PDE6A: variants seen among roughly 807,000 people sequenced by gnomAD.
PDE6A encodes rod cGMP-specific 3',5'-cyclic phosphodiesterase subunit alpha.
PDE6A carries 84 observed loss-of-function variants against 106.3 expected under a neutral mutation model. That is an observed-to-expected ratio of 0.79 (90% CI 0.66 to 0.95). PDE6A has a LOEUF of 0.95. Among genes scored for constraint, PDE6A ranks in the 40% least tolerant of loss-of-function variants. The pLI is 0.00. For missense variants in PDE6A, 1,052 were observed against 1,084.9 expected (o/e 0.97, Z 0.43); for synonymous variants, 394 against 386.6 (o/e 1.02, Z -0.23).
chr5:149,928,208 G>GAGATATATATATATATATAT, intron 4 of PDE6A, among the ~76,000 whole-genome samples: 1 of 57,732 alleles, frequency 1.7e-5, no homozygotes, highest in East Asian at 3.3e-4. Flanking sequence ...AATTGTATGT[G>GAGATATATATATATATATAT]CTATATATAT....
chr5:149,904,491 C>T (rs941556248), intron 7 of PDE6A, among the ~76,000 whole-genome samples: 3 of 152,132 alleles, frequency 2.0e-5, no homozygotes, highest in African/African-American at 7.2e-5. Flanking sequence ...GTGTGAACTG[C>T]ACACAGGCAT....
chr5:149,935,569 T>C (rs1331439535), intron 1 of PDE6A, among the ~76,000 whole-genome samples: 4 of 152,120 alleles, frequency 2.6e-5, no homozygotes, highest in Non-Finnish European at 5.9e-5. Context: ...TCACAAGGGA[T>C]TGGCTTGAAG....
intron 5 of PDE6A, among the ~76,000 whole-genome samples, chr5:149,920,942 A>AAGAAAGAAAG (rs1554091212): frequency 9.2e-6 from 1 of 108,280 alleles, no homozygotes; most frequent in African/African-American, 4.1e-5. Flanking sequence ...GAAAGAGAGA[A>AAGAAAGAAAG]AAAGAAAGAA....
At chr5:149,932,367 G>T in intron 3 of PDE6A, 1 of 1,404,894 alleles carries the variant, frequency 7.1e-7, no homozygotes, top group Non-Finnish European at 1.0e-6. Context: ...AAAATCTAGT[G>T]GTCTTTCACT....
At chr5:149,903,621 T>G in intron 8 of PDE6A, 27 bp downstream of exon 8, 1 of 1,589,796 alleles carries the variant, frequency 6.3e-7, no homozygotes, top group East Asian at 2.2e-5. Context: ...ATCATATGAC[T>G]AAGACTGCAA....
intron 5 of PDE6A, among the ~76,000 whole-genome samples, chr5:149,917,704 G>T (rs940079879): frequency 6.6e-6 from 1 of 152,150 alleles, no homozygotes; most frequent in Non-Finnish European, 1.5e-5. Context: ...ATAAAATGGA[G>T]CTGAGACTAG....
chr5:149,881,881 T>G (rs527414017), intron 17 of PDE6A, among the ~76,000 whole-genome samples: 98 of 150,574 alleles, frequency 6.5e-4, no homozygotes, highest in African/African-American at 2.2e-3. Context: ...TGGCAAAACC[T>G]GTTTCTACCA....
intron 2 of PDE6A, 35 bp downstream of exon 2, chr5:149,934,531 A>G (rs751702324): frequency 6.2e-7 from 1 of 1,609,940 alleles, no homozygotes; most frequent in East Asian, 2.2e-5. Context: ...AGAATGTGCT[A>G]GCATGGCTAT....
At chr5:149,895,044 C>T in intron 13 of PDE6A, 139 bp downstream of exon 13, 1 of 686,106 alleles carries the variant, frequency 1.5e-6, no homozygotes, top group South Asian at 1.5e-5. Context: ...TTACACTAAG[C>T]CCGTACTGCT....
intron 4 of PDE6A, among the ~76,000 whole-genome samples, chr5:149,924,292 G>C (rs1240613710): frequency 6.6e-6 from 1 of 152,094 alleles, no homozygotes; most frequent in East Asian, 1.9e-4. Context: ...ATATTGGCCT[G>C]ACACCTCATG....
At chr5:149,862,758 A>G (rs1347068157) in intron 21 of PDE6A, among the ~76,000 whole-genome samples, 1 of 152,216 alleles carries the variant, frequency 6.6e-6, no homozygotes, top group Admixed American at 6.5e-5. Context: ...ACTCCGGCTC[A>G]AAAAATAAAT....
chr5:149,918,761 G>A (rs1046248533), intron 5 of PDE6A, among the ~76,000 whole-genome samples: 2 of 151,768 alleles, frequency 1.3e-5, no homozygotes, highest in Non-Finnish European at 1.5e-5. Context: ...ACAGGCACGC[G>A]TCACCATGCC....
rs369194532 is a variant in PDE6A at position 149,921,644 on chromosome 5, C to G, written c.924G>C (p.Pro308=). The change falls in exon 5 of 22, where the codon CCG becomes CCC. Residue 308 remains proline, a synonymous_variant. Coordinates refer to ENST00000255266, the MANE Select transcript of PDE6A (RefSeq NM_000440.3). The part of the protein sequence containing the change: ...EVPPYSGPRT[P]DGREINFYKV... ...GTCAGAGAGAACGTACTCTTCCATC[C>G]GGAGTCCTGGGACCAGAGTAAGGTG... 1.2e-6 allele frequency: 2 copies of G among 1,612,796 alleles called. No individual in the cohort carries two copies. Among genetic ancestry groups the G allele is most frequent in the Admixed American group, 3.3e-5 (2 of 60,010 alleles).
intron 5 of PDE6A, among the ~76,000 whole-genome samples, chr5:149,919,968 G>A (rs1187180403): frequency 1.3e-5 from 2 of 152,140 alleles, no homozygotes; most frequent in African/African-American, 2.4e-5. Context: ...GACAAAAGCT[G>A]TGTTTCCAAG....
At chr5:149,909,184 A>G (rs902446284) in intron 6 of PDE6A, among the ~76,000 whole-genome samples, 2 of 152,082 alleles carry the variant, frequency 1.3e-5, no homozygotes, top group African/African-American at 4.8e-5. Flanking sequence ...TGTTTGAGAC[A>G]GGGTCTCACT....
intron 4 of PDE6A, among the ~76,000 whole-genome samples, chr5:149,926,279 C>A (rs1753862118): frequency 6.6e-6 from 1 of 151,506 alleles, no homozygotes; most frequent in South Asian, 2.1e-4. Context: ...TATATATATA[C>A]CAATGGAACA....
At chr5:149,878,847 A>G (rs1760830204) in intron 17 of PDE6A, among the ~76,000 whole-genome samples, 1 of 152,144 alleles carries the variant, frequency 6.6e-6, no homozygotes, top group African/African-American at 2.4e-5. Flanking sequence ...CTGGAATCAT[A>G]TTAACACTTT....
chr5:149,877,746 T>C (rs1268524833), intron 17 of PDE6A, among the ~76,000 whole-genome samples: 1 of 152,246 alleles, frequency 6.6e-6, no homozygotes, highest in Non-Finnish European at 1.5e-5. Flanking sequence ...TATAAGAGGC[T>C]GTGACACCAC....
intron 1 of PDE6A, 81 bp from the exon 2 acceptor site, chr5:149,934,799 G>A: frequency 7.2e-7 from 1 of 1,382,512 alleles, no homozygotes; most frequent in Non-Finnish European, 1.0e-6. Flanking sequence ...TGTTGACAAG[G>A]GAATAAAGGT....
Sources: allele counts gnomAD v4.1 joint callset (sites outside exome capture counted in the v4.1 genomes callset), GRCh38; gene constraint gnomAD v4.1.1; transcripts MANE v1.5; gene names NCBI Gene and HGNC (gene_info 2026-07-23, HGNC 2026-07-21).